Variants in SUCLG2 observed in about 807,000 individuals in gnomAD.
SUCLG2 encodes the protein succinate--CoA ligase [GDP-forming] subunit beta, mitochondrial.
In SUCLG2, 42 loss-of-function variants were observed where a neutral mutation model predicts 47.9. That is an observed-to-expected ratio of 0.88 (90% CI 0.69 to 1.14). The LOEUF (loss-of-function observed/expected upper bound fraction) is 1.14, where lower values mean the gene tolerates loss of function less well. SUCLG2 is among the 50% of genes most tolerant of loss of function. SUCLG2 has a pLI of 0.00. For synonymous variants in SUCLG2, 195 were observed against 197.3 expected (o/e 0.99, Z 0.10); for missense variants, 571 against 525.9 (o/e 1.09, Z -0.84).
intron 9 of SUCLG2, among the ~76,000 whole-genome samples, chr3:67,442,682 G>A (rs561639939): frequency 1.3e-5 from 2 of 152,292 alleles, no homozygotes; most frequent in South Asian, 4.1e-4. Flanking sequence ...CCATACAAAT[G>A]TAAAGATTTT....
intron 1 of SUCLG2, among the ~76,000 whole-genome samples, chr3:67,621,687 A>T (rs1169433608): frequency 6.6e-6 from 1 of 152,090 alleles, no homozygotes; most frequent in Admixed American, 6.5e-5. Flanking sequence ...GAGAGATGAG[A>T]GCTAGTACTC....
intron 9 of SUCLG2, among the ~76,000 whole-genome samples, chr3:67,408,143 A>G (rs1702857422): frequency 6.6e-6 from 1 of 152,160 alleles, no homozygotes; most frequent in South Asian, 2.1e-4. Flanking sequence ...AAATTATGGC[A>G]AGCTGCTCAG....
At chr3:67,410,636 T>G (rs1301596811) in intron 9 of SUCLG2, among the ~76,000 whole-genome samples, 1 of 151,912 alleles carries the variant, frequency 6.6e-6, no homozygotes, top group African/African-American at 2.4e-5. Context: ...AAATAAATCA[T>G]GCAAAAACTA....
At chr3:67,632,207 C>T (rs2107353567) in intron 1 of SUCLG2, among the ~76,000 whole-genome samples, 1 of 152,086 alleles carries the variant, frequency 6.6e-6, no homozygotes, top group East Asian at 1.9e-4. Flanking sequence ...TTTTTAGACA[C>T]AGTTTCACTC....
chr3:67,643,303 A>G (rs138965014), intron 1 of SUCLG2, among the ~76,000 whole-genome samples: 53 of 152,270 alleles, frequency 3.5e-4, no homozygotes, highest in African/African-American at 1.1e-3. Context: ...GTAAATCATT[A>G]TCTTACTTGT....
intron 1 of SUCLG2, among the ~76,000 whole-genome samples, chr3:67,620,434 A>T (rs893308013): frequency 2.6e-5 from 4 of 151,868 alleles, no homozygotes; most frequent in Non-Finnish European, 5.9e-5. Flanking sequence ...AAAATACAAA[A>T]ATTAGCTGGG....
chr3:67,380,107 C>A (rs1388310696), intron 10 of SUCLG2, among the ~76,000 whole-genome samples: 6 of 152,040 alleles, frequency 3.9e-5, no homozygotes. Context: ...GTCCTAACAA[C>A]CCTTTCCTAT....
At chr3:67,608,483 T>C (rs1700465040) in intron 2 of SUCLG2, among the ~76,000 whole-genome samples, 1 of 152,190 alleles carries the variant, frequency 6.6e-6, no homozygotes, top group Non-Finnish European at 1.5e-5. Flanking sequence ...TTCCTTTTTG[T>C]GTTATCAAAT....
chr3:67,425,972 G>A (rs1285586621), intron 9 of SUCLG2, among the ~76,000 whole-genome samples: 2 of 152,102 alleles, frequency 1.3e-5, no homozygotes, highest in Admixed American at 1.3e-4. Context: ...AGGAATTCCA[G>A]CTCAGGAAGA....
chr3:67,387,506 G>T (rs991483577), intron 10 of SUCLG2, among the ~76,000 whole-genome samples: 1 of 152,146 alleles, frequency 6.6e-6, no homozygotes, highest in Non-Finnish European at 1.5e-5. Context: ...TGCCTGAGTT[G>T]TCACAGAGGC....
intron 10 of SUCLG2, among the ~76,000 whole-genome samples, chr3:67,399,541 G>A (rs1295038645): frequency 6.6e-6 from 1 of 152,164 alleles, no homozygotes; most frequent in Non-Finnish European, 1.5e-5. Context: ...TCTAGACAAT[G>A]TGCACCTGCC....
intron 9 of SUCLG2, among the ~76,000 whole-genome samples, chr3:67,441,172 AC>A (rs1289203216): frequency 6.6e-6 from 1 of 152,106 alleles, no homozygotes; most frequent in African/African-American, 2.4e-5. Flanking sequence ...TAGGAGTTGA[AC>A]AATGAGAACA....
chr3:67,507,574 TGCCCAGATCCGTA>T lies in SUCLG2; in HGVS notation c.757+1220_757+1232del, dbSNP rs1705671371. The stretch of plus-strand genomic sequence containing the variant: ...TGAAACTTAGGCAGGCTAAATAACT[TGCCCAGATCCGTA>T]GCCAAAACATGGCAGATACAGAATT... On this transcript the variant is annotated intron_variant, in intron 7 of 10. Transcript: ENST00000307227. Among the ~76,000 whole-genome samples the T allele has an allele frequency of 3.3e-5, 5 of 151,996 alleles. No homozygotes were observed. The South Asian group carries it at 1.0e-3, about 32-fold the overall frequency.
intron 1 of SUCLG2, among the ~76,000 whole-genome samples, chr3:67,621,325 G>GA (rs770922150): frequency 1.2e-4 from 18 of 146,998 alleles, no homozygotes; most frequent in South Asian, 6.5e-4. Flanking sequence ...TGGGTTTAAG[G>GA]AAAAAAAAAA....
chr3:67,502,620 T>C (rs906469356), intron 7 of SUCLG2, among the ~76,000 whole-genome samples: 2 of 152,220 alleles, frequency 1.3e-5, no homozygotes, highest in South Asian at 2.1e-4. Context: ...AATATGCACA[T>C]GCTTTTTTAT....
chr3:67,419,444 G>A (rs185279044), intron 9 of SUCLG2, among the ~76,000 whole-genome samples: 31 of 152,256 alleles, frequency 2.0e-4, no homozygotes, highest in African/African-American at 7.2e-4. Flanking sequence ...TCTGAGAAAT[G>A]TAACTAAAAT....
chr3:67,460,824 A>C (rs1036599054), intron 9 of SUCLG2, among the ~76,000 whole-genome samples: 1 of 152,246 alleles, frequency 6.6e-6, no homozygotes, highest in Admixed American at 6.5e-5. Flanking sequence ...ACTATACAGT[A>C]AAGAAGAGAG....
intron 10 of SUCLG2, among the ~76,000 whole-genome samples, chr3:67,362,309 CT>C (rs139645242): frequency 0.01 from 1,598 of 152,282 alleles, 29 homozygotes; most frequent in African/African-American, 0.036. Flanking sequence ...TGCGTCTCCC[CT>C]GGCCCCTTAC....
chr3:67,388,959 G>A (rs1156665810), intron 10 of SUCLG2, among the ~76,000 whole-genome samples: 1 of 152,080 alleles, frequency 6.6e-6, no homozygotes, highest in Non-Finnish European at 1.5e-5. Flanking sequence ...ATACCTGAGA[G>A]TTGGTATTGG....
Sources: allele counts gnomAD v4.1 joint callset (sites outside exome capture counted in the v4.1 genomes callset), GRCh38; gene constraint gnomAD v4.1.1; transcripts MANE v1.5; gene names NCBI Gene and HGNC (gene_info 2026-07-23, HGNC 2026-07-21).